HLF: variants seen among roughly 807,000 people sequenced by gnomAD.
HLF encodes the protein HLF transcription factor, PAR bZIP family member.
A neutral mutation model predicts 22.6 loss-of-function variants in HLF; 3 were observed. The observed-to-expected ratio is 0.13, with a 90% confidence interval of 0.06 to 0.34. The LOEUF (loss-of-function observed/expected upper bound fraction) is 0.34, where lower values mean the gene tolerates loss of function less well. Ranked by LOEUF, HLF falls within the 10% of genes least tolerant of loss-of-function variation. The pLI is 1.00. For synonymous variants in HLF, 151 were observed against 151.8 expected (o/e 0.99, Z 0.04); for missense variants, 299 against 389.2 (o/e 0.77, Z 1.95).
chr17:55,267,628 C>G, intron 1 of HLF, 123 bp from the exon 2 acceptor site: 1 of 650,598 alleles, frequency 1.5e-6, no homozygotes, highest in East Asian at 2.9e-5. Context: ...AGACAGCAGC[C>G]AGAGAAGGAC....
intron 2 of HLF, among the ~76,000 whole-genome samples, chr17:55,306,833 C>T (rs868006661): frequency 1.2e-4 from 18 of 151,380 alleles, no homozygotes; most frequent in Middle Eastern, 3.4e-3. Flanking sequence ...TTCTTTGATT[C>T]ATTCTTGTAT....
chr17:55,266,286 G>A (rs1357015859), intron 1 of HLF: 1 of 152,260 alleles, frequency 6.6e-6, no homozygotes, highest in Non-Finnish European at 1.5e-5. Context: ...TAACCGCGCA[G>A]GAGCCTCCTC....
intron 1 of HLF, chr17:55,265,848 C>G: frequency 7.9e-7 from 1 of 1,259,042 alleles, no homozygotes; most frequent in South Asian, 2.5e-5. Flanking sequence ...CTCCCTGGGT[C>G]CCGCTCCTGC....
intron 2 of HLF, among the ~76,000 whole-genome samples, chr17:55,308,185 C>T (rs1041887418): frequency 1.3e-5 from 2 of 152,132 alleles, no homozygotes; most frequent in Admixed American, 6.5e-5. Context: ...CACAGTGTAC[C>T]GCTGTGGAGA....
Position 55,320,872 on chromosome 17 carries a change from C to T in HLF, c.881C>T (p.Pro294Leu), listed in dbSNP as rs764722437. The change falls in exon 4 of 4, where the codon CCC (proline) becomes CTC (leucine). Residue 294 changes from proline (P) to leucine (L), a missense_variant. This residue lies in a region of HLF where 224 missense variants were observed against 298.1 expected (regional missense o/e 0.75). Coordinates refer to ENST00000226067, the MANE Select transcript of HLF (RefSeq NM_002126.5). This position sits in a 1 kb window ranked among gnomAD's most constrained non-coding sequence, Gnocchi z 4.2. The part of the protein sequence containing the change: ...ILAKYEARHG[P>L]L ...GCCAAGTATGAGGCCAGGCACGGGC[C>T]CCTGTAGGATGGCATTTTTGCAGGC... 1 of 1,610,504 alleles carries T rather than the reference C, an allele frequency of 6.2e-7. No homozygotes were observed. Among genetic ancestry groups the T allele is most frequent in the South Asian group, 1.1e-5 (1 of 90,226 alleles).
chr17:55,293,474 C>T (rs1056364777), intron 2 of HLF, among the ~76,000 whole-genome samples: 1 of 152,132 alleles, frequency 6.6e-6, no homozygotes, highest in Non-Finnish European at 1.5e-5. Context: ...TCCTATCAAA[C>T]GGATGGGTAG....
chr17:55,285,303 G>A (rs982906994), intron 2 of HLF, among the ~76,000 whole-genome samples: 1 of 152,194 alleles, frequency 6.6e-6, no homozygotes, highest in African/African-American at 2.4e-5. Flanking sequence ...TCTTGAGAGT[G>A]TCCATTGAGG....
chr17:55,292,585 T>C (rs1661429535), intron 2 of HLF, among the ~76,000 whole-genome samples: 1 of 152,250 alleles, frequency 6.6e-6, no homozygotes, highest in Non-Finnish European at 1.5e-5. Context: ...TTTATTGGAT[T>C]CTTAGCTTTA....
At chr17:55,270,801 G>A (rs545870413) in intron 2 of HLF, among the ~76,000 whole-genome samples, 20 of 151,760 alleles carry the variant, frequency 1.3e-4, no homozygotes, top group Admixed American at 9.2e-4. Flanking sequence ...GCGCCACCAC[G>A]CCCGGCTAAT....
intron 2 of HLF, among the ~76,000 whole-genome samples, chr17:55,296,613 C>T (rs2081113792): frequency 6.6e-6 from 1 of 152,140 alleles, no homozygotes; most frequent in African/African-American, 2.4e-5. Flanking sequence ...CTGCATAGAA[C>T]CTATGATCTG....
At chr17:55,283,631 C>CT (rs2080975112) in intron 2 of HLF, 1 of 152,226 alleles carries the variant, frequency 6.6e-6, no homozygotes, top group Non-Finnish European at 1.5e-5. Context: ...GAAAGGAAGT[C>CT]TATTGATTCA....
At chr17:55,314,091 G>A (rs1325358852) in intron 2 of HLF, among the ~76,000 whole-genome samples, 1 of 152,136 alleles carries the variant, frequency 6.6e-6, no homozygotes, top group African/African-American at 2.4e-5. Flanking sequence ...ATTTATTCAT[G>A]GGGCGTGAGA....
chr17:55,269,645 T>C (rs1218280107), intron 2 of HLF, among the ~76,000 whole-genome samples: 4 of 152,220 alleles, frequency 2.6e-5, no homozygotes, highest in South Asian at 2.1e-4. Flanking sequence ...GATTGAGTTA[T>C]TGTGAAAATT....
intron 2 of HLF, among the ~76,000 whole-genome samples, chr17:55,311,481 G>A (rs368715367): frequency 3.9e-5 from 6 of 152,086 alleles, no homozygotes; most frequent in African/African-American, 1.4e-4. Flanking sequence ...TCCAGCCTGG[G>A]TGACAGAGCG....
chr17:55,276,186 ATC>A (rs2080903137), intron 2 of HLF, among the ~76,000 whole-genome samples: 1 of 152,220 alleles, frequency 6.6e-6, no homozygotes, highest in East Asian at 1.9e-4. Flanking sequence ...CAGAAATAGC[ATC>A]TGTTTTTGCT....
rs987338413 is a variant in HLF at position 55,321,771 on chromosome 17, G to T, written c.*892G>T. The stretch of plus-strand genomic sequence containing the variant: ...GACAAGGAAGCAGAGGGAAATGGGA[G>T]GTCTAAGGATGAGGGGTTAATTTAT... On this transcript the variant is annotated 3_prime_UTR_variant, in exon 4 of 4. Transcript: ENST00000226067. 6 of 231,174 alleles carry T rather than the reference G, an allele frequency of 2.6e-5. No individual in the cohort carries two copies. The highest frequency in any genetic ancestry group is 4.3e-5 in the Non-Finnish European group (5 of 116,616). The allele number at this position is 231,174 out of a possible 1,614,324, so 14.3% of individuals were successfully genotyped here.
chr17:55,265,642 C>G (rs754821204), intron 1 of HLF, 43 bp downstream of exon 1: 1 of 1,391,868 alleles, frequency 7.2e-7, no homozygotes, highest in South Asian at 1.2e-5. Context: ...GACGACGCTC[C>G]GGGGGTCCCC....
intron 2 of HLF, among the ~76,000 whole-genome samples, chr17:55,302,135 G>A (rs904314738): frequency 4.6e-5 from 7 of 152,226 alleles, no homozygotes; most frequent in Non-Finnish European, 1.0e-4. Context: ...TCACAGGCAT[G>A]AGGTGACCTG....
At chr17:55,315,523 G>GT in intron 3 of HLF, 76 bp downstream of exon 3, 2 of 1,089,096 alleles carry the variant, frequency 1.8e-6, no homozygotes, top group Non-Finnish European at 2.8e-6. Flanking sequence ...GGTGACCCCA[G>GT]GATGATCCCA....
Sources: allele counts gnomAD v4.1 joint callset (sites outside exome capture counted in the v4.1 genomes callset), GRCh38; gene constraint gnomAD v4.1.1; regional missense constraint gnomAD v4.1.1; non-coding constraint Gnocchi (gnomAD v3.1); transcripts MANE v1.5; gene names NCBI Gene and HGNC (gene_info 2026-07-23, HGNC 2026-07-21).